ENTREP3: variants seen among roughly 807,000 people sequenced by gnomAD.
ENTREP3 encodes endosomal transmembrane epsin interactor 3.
chr1:155,252,690 G>GTGTGTGTATGTATATA, the ENTREP3 span: 1 of 32,878 alleles, frequency 3.0e-5, no homozygotes, highest in African/African-American at 1.9e-4. Context: ...AATTTTGTGT[G>GTGTGTGTATGTATATA]TATATATATA....
At chr1:155,250,627 C>T in the ENTREP3 span, 1 of 1,610,404 alleles carries the variant, frequency 6.2e-7, no homozygotes, top group Non-Finnish European at 8.5e-7. This position sits in a 1 kb window ranked among gnomAD's most constrained non-coding sequence, Gnocchi z 5.4. Flanking sequence ...GGGCTTTCCT[C>T]GAAGGGGCCC....
At chr1:155,250,464 C>A in the ENTREP3 span, 1 of 1,474,422 alleles carries the variant, frequency 6.8e-7, no homozygotes, top group Non-Finnish European at 9.0e-7. This position sits in a 1 kb window ranked among gnomAD's most constrained non-coding sequence, Gnocchi z 5.4. Flanking sequence ...GGGGACCCGC[C>A]GCCTCAGCTC....
chr1:155,250,401 C>A, the ENTREP3 span: 1 of 1,490,410 alleles, frequency 6.7e-7, no homozygotes, highest in Non-Finnish European at 9.0e-7. This position sits in a 1 kb window ranked among gnomAD's most constrained non-coding sequence, Gnocchi z 5.4. Context: ...ATCGCTGAAG[C>A]GACGAGTCGG....
the ENTREP3 span, chr1:155,250,968 GT>G: frequency 1.2e-4 from 145 of 1,234,458 alleles, 2 homozygotes; most frequent in South Asian, 2.0e-3. This position sits in a 1 kb window ranked among gnomAD's most constrained non-coding sequence, Gnocchi z 5.4. Flanking sequence ...AGGGTTCCAA[GT>G]TGCCACAGCC....
At chr1:155,252,044 A>C in the ENTREP3 span, 1 of 597,914 alleles carries the variant, frequency 1.7e-6, no homozygotes, top group Non-Finnish European at 2.8e-6. Flanking sequence ...CCCCTCCCTC[A>C]CCCAAAATCA....
At chr1:155,252,709 TA>T in the ENTREP3 span, 8 of 55,486 alleles carry the variant, frequency 1.4e-4, no homozygotes, top group African/African-American at 2.8e-4. Flanking sequence ...TATATATATA[TA>T]TATATATATA....
chr1:155,251,250 G>T, the ENTREP3 span: 1 of 1,097,878 alleles, frequency 9.1e-7, no homozygotes, highest in South Asian at 1.6e-5. Context: ...TTAGATTCCA[G>T]ACCAGCCTTG....
chr1:155,252,690 G>GTGTATGTA, the ENTREP3 span: 1 of 32,880 alleles, frequency 3.0e-5, no homozygotes, highest in African/African-American at 1.9e-4. Flanking sequence ...AATTTTGTGT[G>GTGTATGTA]TATATATATA....
At chr1:155,247,758 G>A in the ENTREP3 span, 1 of 1,459,272 alleles carries the variant, frequency 6.9e-7, no homozygotes, top group Non-Finnish European at 9.1e-7. Context: ...GGCTGGATGT[G>A]TTCAGTGTGA....
At chr1:155,252,011 C>T in the ENTREP3 span, 1 of 803,492 alleles carries the variant, frequency 1.2e-6, no homozygotes, top group East Asian at 3.2e-5. Context: ...GGCCCTATCC[C>T]CTGAGAGAAG....
At chr1:155,249,425 C>T in the ENTREP3 span, among the ~76,000 whole-genome samples, 1 of 151,970 alleles carries the variant, frequency 6.6e-6, no homozygotes, top group Non-Finnish European at 1.5e-5. Context: ...TAACAAGTGA[C>T]AGCTGAAGCT....
chr1:155,255,274 T>G, the ENTREP3 span: 1 of 260,228 alleles, frequency 3.8e-6, no homozygotes. This position sits in a 1 kb window ranked among gnomAD's most constrained non-coding sequence, Gnocchi z 5.6. Context: ...GAAATAAGTC[T>G]AGAGAAGAGG....
the ENTREP3 span, among the ~76,000 whole-genome samples, chr1:155,248,686 G>A: frequency 1.3e-5 from 2 of 150,184 alleles, no homozygotes; most frequent in African/African-American, 4.9e-5. Context: ...AGCACCTGGC[G>A]CACAGTGCTG....
At chr1:155,251,459 A>G in the ENTREP3 span, 1 of 1,455,640 alleles carries the variant, frequency 6.9e-7, no homozygotes, top group Non-Finnish European at 9.6e-7. Context: ...TCCAGGCTAC[A>G]ACCCGGCTCC....
chr1:155,253,430 C>T, the ENTREP3 span: 1 of 584,726 alleles, frequency 1.7e-6, no homozygotes. Context: ...ACATACTTAA[C>T]TCACTCCCTG....
the ENTREP3 span, chr1:155,248,443 A>G: frequency 1.3e-5 from 21 of 1,613,988 alleles, no homozygotes; most frequent in Admixed American, 3.3e-4. Context: ...TTCTTCCTCA[A>G]GCACTTTGGT....
the ENTREP3 span, chr1:155,254,850 G>T: frequency 1.3e-6 from 2 of 1,585,710 alleles, no homozygotes; most frequent in Non-Finnish European, 8.6e-7. The surrounding 1 kb of genome is among the most constrained non-coding windows in gnomAD (Gnocchi z 4.4). Context: ...GTCAGCGAGC[G>T]GCTGGAGTCA....
At chr1:155,247,660 C>A in the ENTREP3 span, 1 of 964,116 alleles carries the variant, frequency 1.0e-6, no homozygotes, top group Non-Finnish European at 1.6e-6. Context: ...GAAAGGGACA[C>A]TTTGGGGGGT....
chr1:155,254,049 C>T, the ENTREP3 span: 83 of 1,613,710 alleles, frequency 5.1e-5, no homozygotes, highest in Non-Finnish European at 6.1e-5. The surrounding 1 kb of genome is among the most constrained non-coding windows in gnomAD (Gnocchi z 4.4). Context: ...CCTCCCCCAG[C>T]CAGTTCTTTC....
Sources: gnomAD v4.1 joint callset for allele counts (sites outside exome capture counted in the v4.1 genomes callset) on GRCh38, gnomAD v4.1.1 for gene constraint, Gnocchi (gnomAD v3.1) non-coding constraint, MANE v1.5 for transcripts, NCBI Gene and HGNC (gene_info 2026-07-23, HGNC 2026-07-21) for gene names.